Variants in ENTHD1 observed in about 807,000 individuals in gnomAD.
ENTHD1 encodes the protein ENTH domain containing 1, also known as ENTH domain-containing protein 1.
Under a neutral mutation model 39.1 loss-of-function variants are expected in ENTHD1, and 23 were observed. That is an observed-to-expected ratio of 0.59 (90% CI 0.42 to 0.83). The LOEUF is 0.83. ENTHD1 is among the 40% of genes least tolerant of loss of function. The pLI is 0.00. For missense variants in ENTHD1, 624 were observed against 705.4 expected, an observed-to-expected ratio of 0.88 and a Z score of 1.31; for synonymous variants, 230 against 258.2, an observed-to-expected ratio of 0.89 and a Z score of 1.05.
At chr22:39,815,076 T>C (rs1033150844) in intron 5 of ENTHD1, among the ~76,000 whole-genome samples, 1 of 152,138 alleles carries the variant, frequency 6.6e-6, no homozygotes, top group Admixed American at 6.5e-5. Context: ...CCAACAGACA[T>C]GGACACGTCA....
chr22:39,875,330 G>A, intron 2 of ENTHD1: 2 of 1,329,604 alleles, frequency 1.5e-6, no homozygotes, highest in Non-Finnish European at 1.9e-6. Flanking sequence ...GTTCGCGCCC[G>A]TCCTGTCGGC....
At chr22:39,799,854 TG>T (rs1265240420) in intron 5 of ENTHD1, among the ~76,000 whole-genome samples, 1 of 152,216 alleles carries the variant, frequency 6.6e-6, no homozygotes, top group Non-Finnish European at 1.5e-5. Context: ...GGTCCAACAG[TG>T]GCACACTGCT....
intron 5 of ENTHD1, among the ~76,000 whole-genome samples, chr22:39,792,548 A>C (rs914611304): frequency 6.6e-6 from 1 of 152,138 alleles, no homozygotes; most frequent in African/African-American, 2.4e-5. Flanking sequence ...CTGATGGTAT[A>C]TCTCCTTTAC....
At chr22:39,877,427 C>T (rs971156962) in intron 2 of ENTHD1, among the ~76,000 whole-genome samples, 1 of 152,166 alleles carries the variant, frequency 6.6e-6, no homozygotes, top group Non-Finnish European at 1.5e-5. Context: ...TTCTTGGATC[C>T]GTCAGAGAGG....
chr22:39,863,929 A>G (rs2066163929), intron 2 of ENTHD1, among the ~76,000 whole-genome samples: 1 of 152,222 alleles, frequency 6.6e-6, no homozygotes, highest in Admixed American at 6.5e-5. Context: ...AGATTATTTT[A>G]TCTAATCTCA....
At chr22:39,776,054 A>AT (rs112208046) in intron 5 of ENTHD1, among the ~76,000 whole-genome samples, 44 of 146,428 alleles carry the variant, frequency 3.0e-4, no homozygotes, top group South Asian at 8.7e-4. Flanking sequence ...CATCTGGTTA[A>AT]TTTTTTTTTT....
At chr22:39,761,377 C>A (rs2065231718) in intron 6 of ENTHD1, among the ~76,000 whole-genome samples, 1 of 152,166 alleles carries the variant, frequency 6.6e-6, no homozygotes, top group Non-Finnish European at 1.5e-5. Context: ...CTCTGGAATT[C>A]AGCTGTCCAA....
chr22:39,765,302 A>T lies in ENTHD1; in HGVS notation c.1140T>A (p.Ile380=). The T allele has an allele frequency of 6.2e-7, 1 of 1,613,692 alleles. No individual in the cohort carries two copies. Among genetic ancestry groups the T allele is most frequent in the African/African-American group, 1.3e-5 (1 of 74,940 alleles). ...SFKIFDRVKE[I]VINKAYQKPA... is the part of the protein sequence containing the mutation. The stretch of plus-strand genomic sequence containing the variant: ...GTTTCTGGTAGGCCTTGTTGATTAC[A>T]ATCTCCTTCACTCGGTCAAATATTT... Residue 380 remains isoleucine, a synonymous_variant, in exon 6 of 7, where the codon ATT becomes ATA. Transcript: ENST00000325157.
At chr22:39,779,556 G>GA (rs770578811) in intron 5 of ENTHD1, among the ~76,000 whole-genome samples, 126 of 133,584 alleles carry the variant, frequency 9.4e-4, no homozygotes, top group South Asian at 2.2e-3. Context: ...TAACATGAAA[G>GA]AAAAAAAAAA....
chr22:39,891,159 C>T (rs1419570686), intron 1 of ENTHD1, among the ~76,000 whole-genome samples: 1 of 152,194 alleles, frequency 6.6e-6, no homozygotes, highest in African/African-American at 2.4e-5. Flanking sequence ...TTTCATGTCA[C>T]AAATCTGAGA....
intron 5 of ENTHD1, among the ~76,000 whole-genome samples, chr22:39,777,975 A>T (rs2065378770): frequency 6.6e-6 from 1 of 152,212 alleles, no homozygotes; most frequent in African/African-American, 2.4e-5. Flanking sequence ...GCTGAACAAG[A>T]TGAGCAGGTG....
At chr22:39,821,290 T>C (rs2065781481) in intron 4 of ENTHD1, among the ~76,000 whole-genome samples, 177 bp from the exon 5 acceptor site, 1 of 152,230 alleles carries the variant, frequency 6.6e-6, no homozygotes, top group Non-Finnish European at 1.5e-5. Flanking sequence ...GGAGGTTTTG[T>C]GCCCTCGGGA....
chr22:39,776,708 G>C (rs1345937812), intron 5 of ENTHD1, among the ~76,000 whole-genome samples: 1 of 152,134 alleles, frequency 6.6e-6, no homozygotes, highest in Non-Finnish European at 1.5e-5. Context: ...CATGCTTTGA[G>C]CCTAAGGACA....
chr22:39,766,019 C>CAAAAAAAAAAA lies in ENTHD1; in HGVS notation c.833-421_833-411dup, dbSNP rs11367784. 9.6e-3 allele frequency among the ~76,000 whole-genome samples: 466 copies of CAAAAAAAAAAA among 48,426 alleles called. 5 individuals carry two copies. The highest frequency in any genetic ancestry group is 0.028 in the Middle Eastern group (1 of 36). The allele number at this position is 48,426 out of a possible 152,430, so 31.8% of individuals were successfully genotyped here. On this transcript the variant is annotated intron_variant, in intron 5 of 6. Coordinates refer to ENST00000325157, the MANE Select transcript of ENTHD1 (RefSeq NM_152512.4). Reference sequence around the variant, plus strand: ...TCTATCCTTACAGAACCCTCAGCTACAAAAAAAAAAAAAAAAAAAAAAAAA... The same window carrying CAAAAAAAAAAA: ...TCTATCCTTACAGAACCCTCAGCTACAAAAAAAAAAAAAAAAAAAAAAAAAAAAAAAAAAAA...
chr22:39,852,390 G>A (rs1488704658), intron 3 of ENTHD1, among the ~76,000 whole-genome samples: 1 of 152,016 alleles, frequency 6.6e-6, no homozygotes, highest in Non-Finnish European at 1.5e-5. Context: ...TATTAATGAT[G>A]GTTATTTCTG....
chr22:39,832,890 A>G (rs1312903408), intron 4 of ENTHD1, among the ~76,000 whole-genome samples: 3 of 152,194 alleles, frequency 2.0e-5, no homozygotes, highest in East Asian at 1.9e-4. Context: ...AAGTATCATA[A>G]TGACACTCCA....
At chr22:39,798,725 CG>C (rs1190515053) in intron 5 of ENTHD1, among the ~76,000 whole-genome samples, 2 of 152,114 alleles carry the variant, frequency 1.3e-5, no homozygotes, top group African/African-American at 4.8e-5. Flanking sequence ...TGGGCTTCCA[CG>C]TGGCTTGTTC....
chr22:39,746,221 T>C (rs2065103689), intron 6 of ENTHD1, among the ~76,000 whole-genome samples: 1 of 152,180 alleles, frequency 6.6e-6, no homozygotes, highest in Non-Finnish European at 1.5e-5. Context: ...TCTTTCTGCT[T>C]TACTTCAATG....
intron 5 of ENTHD1, among the ~76,000 whole-genome samples, chr22:39,807,649 C>G (rs943345648): frequency 6.6e-6 from 1 of 152,124 alleles, no homozygotes; most frequent in Admixed American, 6.5e-5. Flanking sequence ...AGATTCTCTT[C>G]TCTCCTCACT....
Sources: gnomAD v4.1 joint callset for allele counts (sites outside exome capture counted in the v4.1 genomes callset) on GRCh38, gnomAD v4.1.1 for gene constraint, MANE v1.5 for transcripts, NCBI Gene and HGNC (gene_info 2026-07-23, HGNC 2026-07-21) for gene names.